The following PKN2 variants were observed in gnomAD, a reference collection of about 807,000 sequenced individuals.
PKN2 encodes the protein protein kinase N2.
PKN2 carries 38 observed loss-of-function variants against 119.1 expected under a neutral mutation model. The observed-to-expected ratio is 0.32, with a 90% CI of 0.25 to 0.42. PKN2 has a LOEUF of 0.42. PKN2 is among the 10% of genes least tolerant of loss of function. PKN2 has a pLI of 1.00. For synonymous variants in PKN2, 390 were observed against 384.9 expected (o/e 1.01, Z -0.15); for missense variants, 850 against 1,165.1 (o/e 0.73, Z 3.94).
intron 1 of PKN2, among the ~76,000 whole-genome samples, chr1:88,726,408 TC>T (rs1667899214): frequency 6.6e-6 from 1 of 152,208 alleles, no homozygotes; most frequent in Non-Finnish European, 1.5e-5. Flanking sequence ...ACATAATTTT[TC>T]TGCATAAGTT....
In PKN2 at chr1:88,722,629, G is replaced by A. The variant is rs1482293815; in HGVS notation, c.49-18359G>A. ...CCCCATCTCTACAAAAAAATTTAAA[G>A]AAATAGCCAACCACAGTGGCACGTG... On this transcript the variant is annotated intron_variant, in intron 1 of 21. Coordinates refer to ENST00000370521, the MANE Select transcript of PKN2 (RefSeq NM_006256.4). Among the ~76,000 whole-genome samples, 2 of 151,848 alleles carry A rather than the reference G, an allele frequency of 1.3e-5. 1 individual carries two copies. The highest frequency in any genetic ancestry group is 4.8e-5 in the African/African-American group (2 of 41,346).
intron 17 of PKN2, among the ~76,000 whole-genome samples, chr1:88,823,259 T>C (rs1672366843): frequency 6.6e-6 from 1 of 152,096 alleles, no homozygotes; most frequent in Non-Finnish European, 1.5e-5. Flanking sequence ...GGATAAAATA[T>C]TGTCAGTTTG....
At chr1:88,735,598 G>GCCCC (rs1192390039) in intron 1 of PKN2, among the ~76,000 whole-genome samples, 9 of 12,056 alleles carry the variant, frequency 7.5e-4, no homozygotes, top group African/African-American at 1.1e-3. Context: ...TTGGTTGACA[G>GCCCC]CCCACCCCCC....
chr1:88,704,875 T>G (rs1238989024), intron 1 of PKN2, among the ~76,000 whole-genome samples: 7 of 152,144 alleles, frequency 4.6e-5, no homozygotes, highest in Non-Finnish European at 1.0e-4. Flanking sequence ...TCTAGTAGAT[T>G]TATAGCGACA....
chr1:88,796,306 G>A (rs1222103607), intron 8 of PKN2, among the ~76,000 whole-genome samples: 2 of 152,056 alleles, frequency 1.3e-5, no homozygotes, highest in South Asian at 2.1e-4. Flanking sequence ...AGCTTTTCAG[G>A]TTAGGGATAC....
At position 88,818,826 on chromosome 1, in the gene PKN2, CAT is replaced by C. The variant is rs1328364950; in HGVS notation, c.2280-3114_2280-3113del. ...AAACACCATGGTACTGGTACCAAAA[CAT>C]GTATATAGACCAATGGAACAGAACA... On this transcript the variant is annotated intron_variant, in intron 16 of 21. Coordinates refer to ENST00000370521, the MANE Select transcript of PKN2 (RefSeq NM_006256.4). 2.0e-5 allele frequency among the ~76,000 whole-genome samples: 3 copies of C among 152,220 alleles called. 1 individual carries two copies. The East Asian group carries it at 5.8e-4, about 29-fold the overall frequency.
intron 1 of PKN2, among the ~76,000 whole-genome samples, chr1:88,722,055 A>G (rs1667701407): frequency 6.6e-6 from 1 of 152,228 alleles, no homozygotes. Context: ...CATGGTGATC[A>G]GATGCTCTAG....
intron 8 of PKN2, among the ~76,000 whole-genome samples, chr1:88,787,233 C>G (rs1670616608): frequency 6.6e-6 from 1 of 151,850 alleles, no homozygotes; most frequent in East Asian, 1.9e-4. Context: ...TGGAGAACTA[C>G]CTGGTTGAAT....
At chr1:88,808,599 C>T (rs988849628) in intron 15 of PKN2, among the ~76,000 whole-genome samples, 21 of 152,214 alleles carry the variant, frequency 1.4e-4, no homozygotes, top group African/African-American at 4.8e-4. Context: ...CCACCGTGCC[C>T]GGCCCCACAA....
intron 8 of PKN2, among the ~76,000 whole-genome samples, chr1:88,798,736 ATGGGGC>A (rs1671192238): frequency 6.6e-6 from 1 of 152,238 alleles, no homozygotes; most frequent in Non-Finnish European, 1.5e-5. Context: ...ATTAGAAGGA[ATGGGGC>A]AGAGGCCACA....
chr1:88,751,387 C>G (rs904687513), intron 2 of PKN2, among the ~76,000 whole-genome samples: 1 of 151,864 alleles, frequency 6.6e-6, no homozygotes, highest in Non-Finnish European at 1.5e-5. Flanking sequence ...TACACACACA[C>G]ACACACACAC....
chr1:88,802,682 T>C (rs554450100), intron 8 of PKN2, among the ~76,000 whole-genome samples: 5 of 152,158 alleles, frequency 3.3e-5, no homozygotes, highest in Non-Finnish European at 5.9e-5. Context: ...GAGAAATTAG[T>C]CAATATGTTA....
At position 88,715,176 on chromosome 1, in the gene PKN2, A is replaced by G. The variant is rs57151754; in HGVS notation, c.49-25812A>G. Among the ~76,000 whole-genome samples the G allele has an allele frequency of 8.4e-3, 1,275 of 152,274 alleles. 13 individuals are homozygous for G. Among genetic ancestry groups the G allele is most frequent in the African/African-American group, 0.029 (1,201 of 41,566 alleles). ...GATGTGCTGCTCAGTTCGGTTTGCC[A>G]GTATTTTGTTGAGGATTTTTGCATT... is the stretch of plus-strand genomic sequence containing the variant. On this transcript the variant is annotated intron_variant, in intron 1 of 21. Coordinates refer to ENST00000370521, the MANE Select transcript of PKN2 (RefSeq NM_006256.4).
At chr1:88,734,446 C>T (rs1340529584) in intron 1 of PKN2, among the ~76,000 whole-genome samples, 1 of 152,120 alleles carries the variant, frequency 6.6e-6, no homozygotes, top group African/African-American at 2.4e-5. Flanking sequence ...TTCCCAACAC[C>T]ACTTGTTGCC....
intron 2 of PKN2, among the ~76,000 whole-genome samples, chr1:88,759,922 A>C (rs957975806): frequency 8.5e-5 from 13 of 152,180 alleles, no homozygotes; most frequent in Admixed American, 2.6e-4. Context: ...ATTCTACCAG[A>C]TGTGCAAAAA....
chr1:88,820,182 ATATAT>A (rs1672192852), intron 16 of PKN2, among the ~76,000 whole-genome samples: 128 of 8,120 alleles, frequency 0.016, 8 homozygotes, highest in African/African-American at 0.018. Flanking sequence ...TCAGAAACCT[ATATAT>A]ATATATATAT....
intron 2 of PKN2, among the ~76,000 whole-genome samples, chr1:88,748,143 A>G (rs1190031362): frequency 6.6e-6 from 1 of 152,144 alleles, no homozygotes. Context: ...TATTTTTAGT[A>G]TACCTTTCCA....
At chr1:88,768,245 G>A (rs940999373) in intron 3 of PKN2, among the ~76,000 whole-genome samples, 1 of 152,156 alleles carries the variant, frequency 6.6e-6, no homozygotes, top group Admixed American at 6.5e-5. Context: ...AAATTTAGTG[G>A]CATAAAACAA....
At chr1:88,760,475 A>G (rs1669398694) in intron 3 of PKN2, 99 bp downstream of exon 3, 3 of 650,514 alleles carry the variant, frequency 4.6e-6, no homozygotes, top group Non-Finnish European at 7.8e-6. Flanking sequence ...AGTAACTCCA[A>G]CATCAGTACT....
Sources: gnomAD v4.1 joint callset for allele counts (sites outside exome capture counted in the v4.1 genomes callset) on GRCh38, gnomAD v4.1.1 for gene constraint, MANE v1.5 for transcripts, NCBI Gene and HGNC (gene_info 2026-07-23, HGNC 2026-07-21) for gene names.